The following KHDRBS2 variants were observed in gnomAD, a reference collection of about 807,000 sequenced individuals.
KHDRBS2 encodes KH domain-containing, RNA-binding, signal transduction-associated protein 2.
Under a neutral mutation model 44.3 loss-of-function variants are expected in KHDRBS2, and 26 were observed. The observed-to-expected ratio is 0.59, with a 90% confidence interval of 0.43 to 0.81. The LOEUF is 0.81. KHDRBS2 is among the 40% of genes least tolerant of loss of function. KHDRBS2 has a pLI of 0.00. For synonymous variants in KHDRBS2, 194 were observed against 151.1 expected, an observed-to-expected ratio of 1.28 and a Z score of -2.08; for missense variants, 476 against 433.1, an observed-to-expected ratio of 1.10 and a Z score of -0.88.
intron 2 of KHDRBS2, among the ~76,000 whole-genome samples, chr6:62,118,574 C>T (rs552797124): frequency 1.6e-4 from 25 of 151,914 alleles, no homozygotes; most frequent in African/African-American, 2.9e-4. Context: ...ATATTGTTTC[C>T]GGGGGTGTCA....
At chr6:62,200,015 G>A (rs1391184134) in intron 1 of KHDRBS2, among the ~76,000 whole-genome samples, 2 of 152,160 alleles carry the variant, frequency 1.3e-5, no homozygotes, top group Non-Finnish European at 2.9e-5. Context: ...ATGGTGCTGG[G>A]AAAACTGGCT....
In KHDRBS2 at chr6:61,954,852, AT is replaced by A. The variant is rs1401505694; in HGVS notation, c.483+23213del. Among the ~76,000 whole-genome samples the A allele has an allele frequency of 4.2e-4, 18 of 42,934 alleles. 3 individuals are homozygous for A. Among genetic ancestry groups the A allele is most frequent in the African/African-American group, 2.2e-3 (16 of 7,214 alleles). The allele number at this position is 42,934 out of a possible 152,430, so 28.2% of individuals were successfully genotyped here. On this transcript the variant is annotated intron_variant, in intron 4 of 8. Transcript: ENST00000281156. ...CATGCATATGTATGTATACATATGC[AT>A]GTGTATATACACATACATATGTGTA... is the stretch of plus-strand genomic sequence containing the variant.
intron 3 of KHDRBS2, among the ~76,000 whole-genome samples, chr6:61,981,461 AAC>A (rs1773829917): frequency 6.7e-6 from 1 of 148,782 alleles, no homozygotes; most frequent in South Asian, 2.1e-4. Context: ...AAAAAAAAAA[AAC>A]TGAGTTTTTT....
intron 6 of KHDRBS2, among the ~76,000 whole-genome samples, chr6:61,798,079 CTTG>C (rs1034629596): frequency 4.6e-5 from 7 of 151,996 alleles, no homozygotes; most frequent in African/African-American, 1.4e-4. Flanking sequence ...TCCATGTATT[CTTG>C]TTGTTTAGCA....
chr6:61,820,216 G>T (rs1789675074), intron 6 of KHDRBS2, among the ~76,000 whole-genome samples: 1 of 151,984 alleles, frequency 6.6e-6, no homozygotes, highest in Non-Finnish European at 1.5e-5. Flanking sequence ...TGACATTGAA[G>T]ATCCATTAGA....
intron 5 of KHDRBS2, among the ~76,000 whole-genome samples, chr6:61,896,512 C>T (rs1344488472): frequency 6.6e-6 from 1 of 152,114 alleles, no homozygotes; most frequent in Admixed American, 6.6e-5. Context: ...GACTACCAGA[C>T]ACAGCCCTAG....
intron 5 of KHDRBS2, among the ~76,000 whole-genome samples, chr6:61,900,862 G>A (rs986207315): frequency 2.0e-4 from 31 of 152,172 alleles, no homozygotes; most frequent in Admixed American, 3.9e-4. Flanking sequence ...TGTATCATGC[G>A]TGTGTTCTAA....
chr6:61,884,053 T>C (rs1371668072), intron 6 of KHDRBS2, among the ~76,000 whole-genome samples: 1 of 152,066 alleles, frequency 6.6e-6, no homozygotes, highest in Non-Finnish European at 1.5e-5. Flanking sequence ...TCAATTATCA[T>C]TTAATACCTA....
chr6:61,556,057 G>A, the KHDRBS2 span, among the ~76,000 whole-genome samples: 1 of 152,202 alleles, frequency 6.6e-6, no homozygotes, highest in African/African-American at 2.4e-5. Flanking sequence ...GGCCACTGGT[G>A]GGCCTAGGGC....
At chr6:61,823,093 T>C (rs1790228628) in intron 6 of KHDRBS2, among the ~76,000 whole-genome samples, 1 of 151,908 alleles carries the variant, frequency 6.6e-6, no homozygotes, top group Non-Finnish European at 1.5e-5. Context: ...CTGATAGGTG[T>C]TGGTTGCTGG....
chr6:61,765,064 TC>T (rs1280707018), intron 6 of KHDRBS2, among the ~76,000 whole-genome samples: 1 of 152,184 alleles, frequency 6.6e-6, no homozygotes, highest in African/African-American at 2.4e-5. Context: ...AAGTCACTTC[TC>T]AGTTGTCAAC....
chr6:62,264,507 A>T (rs1473367099), intron 1 of KHDRBS2, among the ~76,000 whole-genome samples: 1 of 151,780 alleles, frequency 6.6e-6, no homozygotes, highest in Non-Finnish European at 1.5e-5. Flanking sequence ...TTTTGAATCT[A>T]CAAAAGAGCA....
chr6:61,914,488 A>G (rs1178707060), intron 4 of KHDRBS2, among the ~76,000 whole-genome samples: 1 of 136,414 alleles, frequency 7.3e-6, no homozygotes, highest in Non-Finnish European at 1.5e-5. Flanking sequence ...GAAGGGGAAC[A>G]TCACACACCG....
intron 4 of KHDRBS2, among the ~76,000 whole-genome samples, chr6:61,943,090 GAA>G (rs1378941755): frequency 6.7e-6 from 1 of 149,050 alleles, no homozygotes; most frequent in Non-Finnish European, 1.5e-5. Context: ...AAAAAGGAAA[GAA>G]AGAAAGGAAG....
At chr6:61,933,520 A>G (rs984881450) in intron 4 of KHDRBS2, among the ~76,000 whole-genome samples, 8 of 152,188 alleles carry the variant, frequency 5.3e-5, no homozygotes, top group Admixed American at 3.9e-4. Context: ...GAACTATGCC[A>G]TTAGGTGGTT....
At chr6:61,565,024 T>C in the KHDRBS2 span, among the ~76,000 whole-genome samples, 1 of 151,856 alleles carries the variant, frequency 6.6e-6, no homozygotes, top group Non-Finnish European at 1.5e-5. Flanking sequence ...AGATATACAA[T>C]AAATTCATTT....
intron 4 of KHDRBS2, among the ~76,000 whole-genome samples, chr6:61,962,549 G>A (rs1488325325): frequency 6.6e-6 from 1 of 151,900 alleles, no homozygotes; most frequent in Non-Finnish European, 1.5e-5. Flanking sequence ...CTAATACAAA[G>A]TACAACTATT....
chr6:61,575,186 G>T, the KHDRBS2 span, among the ~76,000 whole-genome samples: 1 of 152,160 alleles, frequency 6.6e-6, no homozygotes, highest in African/African-American at 2.4e-5. Flanking sequence ...AGCCCACAGA[G>T]TGGGAGAAAA....
chr6:61,876,722 T>C (rs1307933873), intron 6 of KHDRBS2, among the ~76,000 whole-genome samples: 1 of 152,064 alleles, frequency 6.6e-6, no homozygotes, highest in East Asian at 1.9e-4. Flanking sequence ...AATAAGTATA[T>C]GCAAACTGCC....
Sources: allele counts gnomAD v4.1 joint callset (sites outside exome capture counted in the v4.1 genomes callset), GRCh38; gene constraint gnomAD v4.1.1; transcripts MANE v1.5; gene names NCBI Gene and HGNC (gene_info 2026-07-23, HGNC 2026-07-21).